Variants in ZNF558 observed in about 807,000 individuals in gnomAD.
The protein encoded by ZNF558 is zinc finger protein 558.
Under a neutral mutation model 37.6 loss-of-function variants are expected in ZNF558, and 23 were observed. The observed-to-expected ratio is 0.61, with a 90% CI of 0.44 to 0.87. ZNF558 has a LOEUF of 0.87. Among genes scored for constraint, ZNF558 ranks in the 40% least tolerant of loss-of-function variants. ZNF558 has a pLI of 0.00. For missense variants in ZNF558, 429 were observed against 483.7 expected (o/e 0.89, Z 1.06); for synonymous variants, 189 against 174.4 (o/e 1.08, Z -0.66).
Position 8,812,077 on chromosome 19 carries a change from G to T in ZNF558, c.427-14C>A. On this transcript the variant is annotated splice_polypyrimidine_tract_variant and intron_variant, in intron 9 of 9. Coordinates refer to ENST00000601372, the MANE Select transcript of ZNF558 (RefSeq NM_144693.3). Reference sequence around the variant, plus strand: ...ATGACTTCTTTCCTGTGGATTAAGAGATGAATGATAACTATAATTTATAAT... The same window carrying T: ...ATGACTTCTTTCCTGTGGATTAAGATATGAATGATAACTATAATTTATAAT... The T allele has an allele frequency of 7.9e-6, 12 of 1,527,488 alleles. No homozygotes were observed. Among genetic ancestry groups the T allele is most frequent in the Non-Finnish European group, 1.1e-5 (12 of 1,140,172 alleles). The allele number at this position is 1,527,488 out of a possible 1,614,324, so 94.6% of individuals were successfully genotyped here. A position where few individuals can be genotyped will look rare whatever the true frequency, so the allele number is the denominator to read the frequency against.
intron 2 of ZNF558, among the ~76,000 whole-genome samples, chr19:8,828,736 C>T (rs2967735): frequency 0.72 from 109,239 of 151,956 alleles, 39,613 homozygotes; most frequent in Middle Eastern, 0.82. Context: ...CCTAGGCAGG[C>T]GGATCACCTG....
rs72643494 is a variant in ZNF558 at position 8,814,063 on chromosome 19, G to A, written c.248-841C>T. Among the ~76,000 whole-genome samples the A allele has an allele frequency of 6.4e-3, 978 of 152,274 alleles. 35 individuals carry two copies. The East Asian group carries it at 0.11, about 16-fold the overall frequency. On this transcript the variant is annotated intron_variant, in intron 7 of 9. Coordinates refer to ENST00000601372, the MANE Select transcript of ZNF558 (RefSeq NM_144693.3). ...AAACAGTGAGTAAACTGGCAAAAGC[G>A]GTCCGAATCAACTTTATCGGAATTC...
chr19:8,811,028 C>A lies in ZNF558; in HGVS notation c.*253G>T. ...CAGTAAAGATGTTAGATGACTATAG[C>A]TTTGGCTGACATCTTGATTGTAAGT... is the stretch of plus-strand genomic sequence containing the variant. On this transcript the variant is annotated 3_prime_UTR_variant, in exon 10 of 10. Coordinates refer to ENST00000601372, the MANE Select transcript of ZNF558 (RefSeq NM_144693.3). 2.5e-6 allele frequency: 1 copy of A among 406,480 alleles called. No individual in the cohort carries two copies. The highest frequency in any genetic ancestry group is 4.4e-6 in the Non-Finnish European group (1 of 227,212). 25.2% of individuals were successfully genotyped at this position (406,480 alleles called of 1,614,324 possible).
upstream of ZNF558, among the ~76,000 whole-genome samples, chr19:8,833,755 G>A (rs1344932486): frequency 9.9e-5 from 15 of 152,176 alleles, no homozygotes; most frequent in East Asian, 1.2e-3. Context: ...TTGGGAGGCC[G>A]AGGCAGGCAG....
intron 9 of ZNF558, among the ~76,000 whole-genome samples, 176 bp downstream of exon 9, chr19:8,812,385 G>C (rs528946947): frequency 1.3e-5 from 2 of 152,296 alleles, no homozygotes; most frequent in South Asian, 4.1e-4. Context: ...TAAGTTTGGA[G>C]CTAACTCACA....
chr19:8,813,347 C>T (rs1378889995), intron 7 of ZNF558, 125 bp from the exon 8 acceptor site: 7 of 709,102 alleles, frequency 9.9e-6, no homozygotes, highest in African/African-American at 9.1e-5. Flanking sequence ...TAAATTATGC[C>T]TTAATTCTTT....
rs781851816 is a variant in ZNF558 at position 8,811,418 on chromosome 19, T to A, written c.1072A>T (p.Asn358Tyr). 1 of 1,614,128 alleles carries A rather than the reference T, an allele frequency of 6.2e-7. No individual in the cohort carries two copies. The highest frequency in any genetic ancestry group is 8.5e-7 in the Non-Finnish European group (1 of 1,180,002). ...YECSDCGKAF[N>Y]NLSAVKKHLR... ...TGTTTCTTCACAGCTGAGAGATTAT[T>A]AAAGGCTTTTCCACAGTCACTGCAC... Residue 358 changes from asparagine (N) to tyrosine (Y), a missense_variant, in exon 10 of 10, where the codon AAT (asparagine) becomes TAT (tyrosine). Coordinates refer to ENST00000601372, the MANE Select transcript of ZNF558 (RefSeq NM_144693.3).
At chr19:8,819,831 C>G (rs1202467754) in intron 7 of ZNF558, among the ~76,000 whole-genome samples, 2 of 152,102 alleles carry the variant, frequency 1.3e-5, no homozygotes, top group African/African-American at 2.4e-5. Flanking sequence ...ATTCCAGCTA[C>G]TTGAGAGGCT....
chr19:8,827,210 G>T (rs1490023071), intron 2 of ZNF558, among the ~76,000 whole-genome samples: 1 of 152,150 alleles, frequency 6.6e-6, no homozygotes, highest in African/African-American at 2.4e-5. Context: ...ACAGCAGATG[G>T]GCCACTCTAT....
chr19:8,812,446 T>G, intron 9 of ZNF558, 115 bp downstream of exon 9: 1 of 635,412 alleles, frequency 1.6e-6, no homozygotes, highest in South Asian at 3.2e-5. Context: ...AACACAGCAT[T>G]CTCAATTATA....
In ZNF558 at chr19:8,824,415, T is replaced by C. The variant is rs2044182995; in HGVS notation, c.-399A>G. 6.6e-6 allele frequency: 1 copy of C among 152,290 alleles called. No homozygotes were observed. Among genetic ancestry groups the C allele is most frequent in the South Asian group, 2.1e-4 (1 of 4,828 alleles). 9.4% of individuals were successfully genotyped at this position (152,290 alleles called of 1,614,324 possible). Reference sequence around the variant, plus strand: ...GCCTTCCAGCCAAGCTGCTCCTGAATTCCTGAAACACAAAAACAGTGAGAG... The same window carrying C: ...GCCTTCCAGCCAAGCTGCTCCTGAACTCCTGAAACACAAAAACAGTGAGAG... On this transcript the variant is annotated splice_region_variant and 5_prime_UTR_variant, in exon 4 of 10. Coordinates refer to ENST00000601372, the MANE Select transcript of ZNF558 (RefSeq NM_144693.3).
chr19:8,813,200 A>G lies in ZNF558; in HGVS notation c.270T>C (p.Ser90=). 1 of 1,597,076 alleles carries G rather than the reference A, an allele frequency of 6.3e-7. No homozygotes were observed. Among genetic ancestry groups the G allele is most frequent in the Non-Finnish European group, 8.5e-7 (1 of 1,170,910 alleles). The change falls in exon 8 of 10, where the codon AGT becomes AGC. Residue 90 remains serine, a synonymous_variant. Transcript: ENST00000601372. ...ASLGCRVNKP[S]LISQLEQDKK... ...TGTCTTGTTCCAACTGGGATATCAG[A>G]CTGGGTTTATTAACACGACACCCTA...
chr19:8,834,702 C>T (rs2044435996), upstream of ZNF558, among the ~76,000 whole-genome samples: 1 of 149,450 alleles, frequency 6.7e-6, no homozygotes, highest in Non-Finnish European at 1.5e-5. Context: ...ACCTCTACTT[C>T]ACACCATGTA....
the ZNF558 span, among the ~76,000 whole-genome samples, chr19:8,837,683 T>A: frequency 6.6e-6 from 1 of 152,178 alleles, no homozygotes; most frequent in Non-Finnish European, 1.5e-5. Context: ...GTTCTTGCTT[T>A]CCCACAGAGT....
chr19:8,832,681 A>G (rs970215365), upstream of ZNF558, among the ~76,000 whole-genome samples: 6 of 150,186 alleles, frequency 4.0e-5, no homozygotes, highest in Non-Finnish European at 8.9e-5. Flanking sequence ...GGCAGAGACC[A>G]GTTCCAGGGT....
At chr19:8,813,347 C>A (rs1378889995) in intron 7 of ZNF558, 125 bp from the exon 8 acceptor site, 1 of 709,220 alleles carries the variant, frequency 1.4e-6, no homozygotes, top group Non-Finnish European at 2.4e-6. Flanking sequence ...TAAATTATGC[C>A]TTAATTCTTT....
intron 7 of ZNF558, among the ~76,000 whole-genome samples, chr19:8,818,650 T>C (rs1327985981): frequency 6.6e-6 from 1 of 152,096 alleles, no homozygotes; most frequent in Non-Finnish European, 1.5e-5. Context: ...AAGAATAAAG[T>C]AGAAAGATTT....
At position 8,822,498 on chromosome 19, in the gene ZNF558, C is replaced by T. The variant is rs144998664; in HGVS notation, c.31+131G>A. ...ATCCCGAGAGCTGCCCGATCAGACA[C>T]GGAGGACCTCTGGGCCCCTGGGGCT... is the stretch of plus-strand genomic sequence containing the variant. On this transcript the variant is annotated intron_variant, in intron 5 of 9. Coordinates refer to ENST00000601372, the MANE Select transcript of ZNF558 (RefSeq NM_144693.3). This position sits in a 1 kb window ranked among gnomAD's most constrained non-coding sequence, Gnocchi z 4.4. The T allele has an allele frequency of 9.3e-4, 1,217 of 1,305,580 alleles. 5 individuals are homozygous for T. The African/African-American group carries it at 0.015, about 16-fold the overall frequency. 80.9% of individuals were successfully genotyped at this position (1,305,580 alleles called of 1,614,324 possible). A position where few individuals can be genotyped will look rare whatever the true frequency, so the allele number is the denominator to read the frequency against.
upstream of ZNF558, among the ~76,000 whole-genome samples, chr19:8,834,613 A>C (rs1323052413): frequency 1.3e-5 from 2 of 151,450 alleles, no homozygotes; most frequent in South Asian, 2.1e-4. Context: ...TCAAAAAAAA[A>C]AAACAAACCA....
Sources: gnomAD v4.1 joint callset for allele counts (sites outside exome capture counted in the v4.1 genomes callset) on GRCh38, gnomAD v4.1.1 for gene constraint, Gnocchi (gnomAD v3.1) non-coding constraint, MANE v1.5 for transcripts, NCBI Gene and HGNC (gene_info 2026-07-23, HGNC 2026-07-21) for gene names.